The following ABCC8 variants were observed in gnomAD, a reference collection of about 807,000 sequenced individuals.
The protein encoded by ABCC8 is ATP-binding cassette sub-family C member 8.
In ABCC8, 137 loss-of-function variants were observed where a neutral mutation model predicts 188.0. The observed-to-expected ratio is 0.73, with a 90% CI of 0.63 to 0.84. The LOEUF is 0.84. Ranked by LOEUF, ABCC8 falls within the 40% of genes least tolerant of loss-of-function variation. The pLI is 0.00. For missense variants in ABCC8, 1,750 were observed against 2,072.7 expected (o/e 0.84, Z 3.02); for synonymous variants, 797 against 846.5 (o/e 0.94, Z 1.01).
Position 17,397,285 on chromosome 11 carries a change from C to T in ABCC8, c.3896G>A (p.Arg1299Lys). 6.2e-7 allele frequency: 1 copy of T among 1,613,078 alleles called. No homozygotes were observed. Among genetic ancestry groups the T allele is most frequent in the Non-Finnish European group, 8.5e-7 (1 of 1,180,010 alleles). Residue 1299 changes from arginine (R) to lysine (K), a missense_variant, in exon 32 of 39, where the codon AGG becomes AAG. Arg to Lys is a conservative substitution (Grantham distance 26). Coordinates refer to ENST00000389817, the MANE Select transcript of ABCC8 (RefSeq NM_000352.6). Reference protein sequence around the residue: ...MVSNYLNWMVRNLADMELQLG... With the variant: ...MVSNYLNWMVKNLADMELQLG... The stretch of plus-strand genomic sequence containing the variant: ...CTGGAGCTCCATGTCTGCCAGGTTC[C>T]TCACCATCCAGTTGAGGTAGTTGGA...
At chr11:17,429,113 TGGA>T (rs1336427341) in intron 12 of ABCC8, 4 of 183,456 alleles carry the variant, frequency 2.2e-5, no homozygotes, top group Admixed American at 1.1e-4. Context: ...AACAGCCTGC[TGGA>T]GGAGGTGTCA....
At chr11:17,465,808 C>A (rs923074568) in intron 3 of ABCC8, among the ~76,000 whole-genome samples, 2 of 152,166 alleles carry the variant, frequency 1.3e-5, no homozygotes, top group African/African-American at 4.8e-5. Context: ...TCCCGCTATA[C>A]CCTGAGAGCC....
At chr11:17,451,764 T>C (rs1956824634) in intron 7 of ABCC8, among the ~76,000 whole-genome samples, 2 of 152,254 alleles carry the variant, frequency 1.3e-5, no homozygotes, top group Admixed American at 1.3e-4. Flanking sequence ...AGTGCATATA[T>C]AGCTGTCAAG....
chr11:17,395,323 C>T, intron 35 of ABCC8, 48 bp from the exon 36 acceptor site: 2 of 1,552,964 alleles, frequency 1.3e-6, no homozygotes, highest in South Asian at 2.4e-5. Context: ...AGGGTCCTGC[C>T]TGCATCCCCA....
chr11:17,406,060 T>C (rs1449643706), intron 26 of ABCC8, among the ~76,000 whole-genome samples: 2 of 152,244 alleles, frequency 1.3e-5, no homozygotes, highest in Admixed American at 6.5e-5. Flanking sequence ...TGCAGTTAGA[T>C]TGTGAGGTCT....
At chr11:17,425,791 C>T (rs1452574804) in intron 16 of ABCC8, among the ~76,000 whole-genome samples, 1 of 152,066 alleles carries the variant, frequency 6.6e-6, no homozygotes, top group African/African-American at 2.4e-5. Flanking sequence ...ACCCATCAAC[C>T]CTTCATCTAC....
rs1591863600 is a variant in ABCC8 at position 17,453,349 on chromosome 11, A to G, written c.1012-66T>C. ...CAAAATGACCACCGTAGAACACATC[A>G]CTGTGCCATAATGGACCACGGCCAT... On this transcript the variant is annotated intron_variant, in intron 6 of 38. Coordinates refer to ENST00000389817, the MANE Select transcript of ABCC8 (RefSeq NM_000352.6). The G allele has an allele frequency of 2.5e-6, 4 of 1,598,596 alleles. No homozygotes were observed. The East Asian group carries it at 9.0e-5, about 36-fold the overall frequency.
intron 19 of ABCC8, 88 bp downstream of exon 19, chr11:17,414,424 T>C (rs1340669738): frequency 6.5e-7 from 1 of 1,547,900 alleles, no homozygotes; most frequent in Non-Finnish European, 8.9e-7. Flanking sequence ...TGGGTGTGGG[T>C]GATCGATGGA....
In ABCC8 at chr11:17,415,246, C is replaced by T. The variant is rs112069960; in HGVS notation, c.2291+58G>A. The T allele has an allele frequency of 1.6e-5, 26 of 1,577,898 alleles. No individual in the cohort carries two copies. The African/African-American group carries it at 2.0e-4, about 12-fold the overall frequency. On this transcript the variant is annotated intron_variant, in intron 18 of 38. Transcript: ENST00000389817. ...AGCAGGGTGATGTGGCTCCCTTGGG[C>T]CTGAGAGCACCCTGGAGGGAGTTGA... is the stretch of plus-strand genomic sequence containing the variant.
intron 35 of ABCC8, 96 bp from the exon 36 acceptor site, chr11:17,395,371 T>C (rs1268568058): frequency 1.9e-6 from 3 of 1,544,160 alleles, no homozygotes; most frequent in African/African-American, 1.4e-5. Context: ...CAGACTGAGT[T>C]GGAGGTCTGG....
intron 10 of ABCC8, 38 bp from the exon 11 acceptor site, chr11:17,432,282 G>C (rs1396864114): frequency 1.6e-5 from 25 of 1,551,706 alleles, no homozygotes; most frequent in Non-Finnish European, 2.0e-5. Flanking sequence ...AGTGGGAGGA[G>C]CGTGACAGCT....
At chr11:17,476,029 C>T (rs933385349) in intron 1 of ABCC8, among the ~76,000 whole-genome samples, 1 of 152,330 alleles carries the variant, frequency 6.6e-6, no homozygotes, top group East Asian at 1.9e-4. Flanking sequence ...GCTCTGGAGA[C>T]ACATGCCCGG....
chr11:17,396,890 G>T lies in ABCC8; in HGVS notation c.4119+26C>A, dbSNP rs928591695. Reference sequence around the variant, plus strand: ...ATCCCCTGCTCACGCCTGTCCTGCAGCATTGGGTTGGGCCCGTGCTCTGAC... The same window carrying T: ...ATCCCCTGCTCACGCCTGTCCTGCATCATTGGGTTGGGCCCGTGCTCTGAC... On this transcript the variant is annotated intron_variant, in intron 33 of 38. Coordinates refer to ENST00000389817, the MANE Select transcript of ABCC8 (RefSeq NM_000352.6). 3.1e-6 allele frequency: 5 copies of T among 1,612,636 alleles called. No homozygotes were observed. In the African/African-American group the frequency reaches 6.7e-5, roughly 22 times the overall value.
chr11:17,441,546 A>G (rs1956316011), intron 10 of ABCC8, among the ~76,000 whole-genome samples: 2 of 152,082 alleles, frequency 1.3e-5, no homozygotes, highest in Admixed American at 6.5e-5. Context: ...CTTGGCCATA[A>G]TGACTCTTAG....
intron 4 of ABCC8, 180 bp from the exon 5 acceptor site, chr11:17,462,005 C>G (rs1245489032): frequency 4.3e-6 from 3 of 701,112 alleles, no homozygotes; most frequent in Non-Finnish European, 5.3e-6. Flanking sequence ...CCACCAATGT[C>G]AGGGCATCCT....
At chr11:17,396,129 C>T (rs2133403677) in intron 33 of ABCC8, 199 bp from the exon 34 acceptor site, 1 of 1,291,682 alleles carries the variant, frequency 7.7e-7, no homozygotes, top group Non-Finnish European at 1.0e-6. Context: ...TACACAGGGA[C>T]CGGCACGCAA....
intron 5 of ABCC8, 161 bp downstream of exon 5, chr11:17,461,422 C>G: frequency 2.2e-6 from 2 of 899,024 alleles, no homozygotes; most frequent in Non-Finnish European, 3.5e-6. Context: ...CTGCACCTGT[C>G]CCTGGTTCAC....
At chr11:17,471,604 C>T (rs1236901870) in intron 2 of ABCC8, among the ~76,000 whole-genome samples, 2 of 152,222 alleles carry the variant, frequency 1.3e-5, no homozygotes, top group South Asian at 2.1e-4. Flanking sequence ...TGTTGGTCCA[C>T]GTATTCTGGC....
At chr11:17,469,083 C>CTCCT (rs1295147487) in intron 3 of ABCC8, among the ~76,000 whole-genome samples, 1 of 135,440 alleles carries the variant, frequency 7.4e-6, no homozygotes. Context: ...CCCTCCCTCC[C>CTCCT]TCCTTCCTTC....
Sources: gnomAD v4.1 joint callset for allele counts (sites outside exome capture counted in the v4.1 genomes callset) on GRCh38, gnomAD v4.1.1 for gene constraint, MANE v1.5 for transcripts, NCBI Gene and HGNC (gene_info 2026-07-23, HGNC 2026-07-21) for gene names.